C2: variants seen among roughly 807,000 people sequenced by gnomAD.
The protein encoded by C2 is C3/C5 convertase.
C2 carries 64 observed loss-of-function variants against 85.2 expected under a neutral mutation model. The observed-to-expected ratio is 0.75, with a 90% CI of 0.61 to 0.92. C2 has a LOEUF of 0.92. Ranked by LOEUF, C2 falls within the 40% of genes least tolerant of loss-of-function variation. The pLI, the probability that C2 is intolerant of heterozygous loss-of-function variation, is 0.00. For synonymous variants in C2, 311 were observed against 370.8 expected (o/e 0.84, Z 1.85); for missense variants, 820 against 971.6 (o/e 0.84, Z 2.07).
upstream of C2, among the ~76,000 whole-genome samples, chr6:31,925,914 C>A (rs1328561394): frequency 2.0e-5 from 3 of 152,196 alleles, no homozygotes; most frequent in East Asian, 5.8e-4. Flanking sequence ...CTGTGTCAGA[C>A]ACCCAGGCTC....
chr6:31,918,692 G>T (rs999780423), upstream of C2, among the ~76,000 whole-genome samples: 1 of 151,842 alleles, frequency 6.6e-6, no homozygotes, highest in Non-Finnish European at 1.5e-5. Context: ...GAGGTCAGGA[G>T]TTCAAGACCA....
At chr6:31,919,641 C>T (rs1768825845), upstream of C2, among the ~76,000 whole-genome samples, 1 of 152,114 alleles carries the variant, frequency 6.6e-6, no homozygotes, top group Admixed American at 6.6e-5. Context: ...TGGCTACTAT[C>T]CTCTTTCCCT....
chr6:31,943,736 A>G lies in C2; in HGVS notation c.1660A>G (p.Ile554Val), dbSNP rs1264671600. 2 of 1,613,068 alleles carry G rather than the reference A, an allele frequency of 1.2e-6. No homozygotes were observed. Among genetic ancestry groups the G allele is most frequent in the Admixed American group, 3.3e-5 (2 of 60,028 alleles). Reference protein sequence around the residue: ...FDVFAKKNQGILEFYGDDIAL... With the variant: ...FDVFAKKNQGVLEFYGDDIAL... ...TGTCTTTGCCAAAAAGAACCAGGGAATCCTGGAGTTCTATGGTGATGACAT... is the reference window on the plus strand; with the variant it reads ...TGTCTTTGCCAAAAAGAACCAGGGAGTCCTGGAGTTCTATGGTGATGACAT... The change falls in exon 13 of 18, where the codon ATC becomes GTC. Residue 554 changes from isoleucine (I) to valine (V), a missense_variant. Coordinates refer to ENST00000299367, the MANE Select transcript of C2 (RefSeq NM_000063.6). This position sits in a 1 kb window ranked among gnomAD's most constrained non-coding sequence, Gnocchi z 6.4.
chr6:31,902,819 C>T (rs1767455232), intron 1 of C2, among the ~76,000 whole-genome samples: 1 of 152,200 alleles, frequency 6.6e-6, no homozygotes, highest in Non-Finnish European at 1.5e-5. Context: ...TCCGCTTGTG[C>T]TATCGATGAC....
Position 31,933,712 on chromosome 6 carries a change from T to G in C2, c.545T>G (p.Val182Gly). 2 of 1,613,342 alleles carry G rather than the reference T, an allele frequency of 1.2e-6. No homozygotes were observed. The highest frequency in any genetic ancestry group is 1.7e-6 in the Non-Finnish European group (2 of 1,180,034). The change falls in exon 4 of 18, where the codon GTG (valine) becomes GGG (glycine). Residue 182 changes from valine to glycine, a missense_variant. Coordinates refer to ENST00000299367, the MANE Select transcript of C2 (RefSeq NM_000063.6). ...KVRYRCSSNL[V>G]LTGSSERECQ... is the part of the protein sequence containing the mutation. The stretch of plus-strand genomic sequence containing the variant: ...CGCTATCGCTGCTCCTCGAATCTTG[T>G]GCTCACGGGGTCTTCGGAGCGGGAG...
At chr6:31,918,598 TAA>T (rs765585551), upstream of C2, among the ~76,000 whole-genome samples, 17 of 130,202 alleles carry the variant, frequency 1.3e-4, no homozygotes, top group Non-Finnish European at 1.2e-4. Context: ...GTCTTTAACT[TAA>T]AAAAAAAAAA....
chr6:31,944,578 G>A lies in C2; in HGVS notation c.1903-149G>A, dbSNP rs932279757. On this transcript the variant is annotated intron_variant, in intron 15 of 17. Transcript: ENST00000299367. The surrounding 1 kb of genome is among the most constrained non-coding windows in gnomAD (Gnocchi z 5.1). ...GTATTTTTAGTAGAGACGGGATTTC[G>A]CCATGTTGGCCAGGATGGTCTTGAA... 6.8e-6 allele frequency: 6 copies of A among 876,852 alleles called. No individual in the cohort carries two copies. The highest frequency in any genetic ancestry group is 4.1e-5 in the South Asian group (3 of 73,902). 54.3% of individuals were successfully genotyped at this position (876,852 alleles called of 1,614,324 possible).
intron 7 of C2, 154 bp from the exon 8 acceptor site, chr6:31,937,165 C>T (rs1457363011): frequency 7.7e-5 from 54 of 702,044 alleles, no homozygotes; most frequent in Non-Finnish European, 1.1e-4. Flanking sequence ...GCCAAGATCA[C>T]GCCACTATAC....
At chr6:31,902,691 A>T (rs1767443008) in intron 1 of C2, among the ~76,000 whole-genome samples, 1 of 152,028 alleles carries the variant, frequency 6.6e-6, no homozygotes, top group Admixed American at 6.6e-5. Context: ...ACTTTCCACA[A>T]AGCCAGACGA....
upstream of C2, chr6:31,927,620 C>T: frequency 1.2e-6 from 2 of 1,600,100 alleles, no homozygotes; most frequent in South Asian, 1.1e-5. The surrounding 1 kb of genome is among the most constrained non-coding windows in gnomAD (Gnocchi z 4.7). Flanking sequence ...AAGACCATCC[C>T]CCTTGCCACT....
chr6:31,910,158 C>A (rs577897906), intron 1 of C2, among the ~76,000 whole-genome samples: 9 of 151,586 alleles, frequency 5.9e-5, no homozygotes, highest in Non-Finnish European at 1.2e-4. Context: ...GGATTACAGA[C>A]GTGAGCCACC....
chr6:31,932,165 T>A (rs9267706), intron 3 of C2, among the ~76,000 whole-genome samples: 1 of 60,266 alleles, frequency 1.7e-5, no homozygotes, highest in African/African-American at 6.7e-5. Context: ...CCGGGCAGAG[T>A]GGCTCCTCAC....
upstream of C2, chr6:31,927,545 G>A: frequency 2.0e-6 from 3 of 1,485,200 alleles, no homozygotes; most frequent in South Asian, 1.4e-5. This position sits in a 1 kb window ranked among gnomAD's most constrained non-coding sequence, Gnocchi z 4.7. Context: ...TAGCATCAGG[G>A]AGACAGGGCA....
Position 31,937,349 on chromosome 6 carries a change from A to G in C2, c.1019A>G (p.Tyr340Cys). ...GAAAATGGAACTGGGACTAACACCT[A>G]TGCGGCCTTAAACAGTGTCTATCTC... ...DHENGTGTNT[Y>C]AALNSVYLMM... Residue 340 changes from tyrosine to cysteine, a missense_variant, in exon 8 of 18, where the codon TAT becomes TGT. Transcript: ENST00000299367. The G allele has an allele frequency of 3.1e-6, 5 of 1,612,904 alleles. No homozygotes were observed. Among genetic ancestry groups the G allele is most frequent in the Non-Finnish European group, 4.2e-6 (5 of 1,179,954 alleles).
chr6:31,899,251 C>T (rs183163403), upstream of C2, among the ~76,000 whole-genome samples: 28 of 136,476 alleles, frequency 2.1e-4, no homozygotes, highest in African/African-American at 7.3e-4. Context: ...AGTGCCCTAT[C>T]CCCCCCACCC....
chr6:31,936,267 G>T (rs1322878050), intron 7 of C2: 1 of 609,106 alleles, frequency 1.6e-6, no homozygotes. Context: ...GATGCTGCAG[G>T]TCCAAAGACA....
chr6:31,932,986 C>G (rs974537119), intron 3 of C2, among the ~76,000 whole-genome samples: 1 of 152,338 alleles, frequency 6.6e-6, no homozygotes, highest in South Asian at 2.1e-4. Flanking sequence ...CGTGGCGGCG[C>G]GCGCCTGCAA....
chr6:31,911,310 CAAAT>C (rs1251846734), intron 1 of C2, among the ~76,000 whole-genome samples: 1 of 149,706 alleles, frequency 6.7e-6, no homozygotes, highest in Non-Finnish European at 1.5e-5. Context: ...AAAAAATAAA[CAAAT>C]AAATACATAA....
At chr6:31,899,970 C>T (rs1175923440), upstream of C2, 1 of 1,600,560 alleles carries the variant, frequency 6.2e-7, no homozygotes, top group East Asian at 2.2e-5. Context: ...GCCTCCAGCA[C>T]GTTCTCGGCC....
Sources: gnomAD v4.1 joint callset for allele counts (sites outside exome capture counted in the v4.1 genomes callset) on GRCh38, gnomAD v4.1.1 for gene constraint, Gnocchi (gnomAD v3.1) non-coding constraint, MANE v1.5 for transcripts, NCBI Gene and HGNC (gene_info 2026-07-23, HGNC 2026-07-21) for gene names.